Variants in CNNM2 observed in about 807,000 individuals in gnomAD.
CNNM2 encodes the protein cyclin and CBS domain divalent metal cation transport mediator 2, also known as metal transporter CNNM2.
CNNM2 carries 12 observed loss-of-function variants against 66.9 expected under a neutral mutation model. The observed-to-expected ratio is 0.18, with a 90% confidence interval of 0.11 to 0.29. The LOEUF (loss-of-function observed/expected upper bound fraction) is 0.29. CNNM2 is among the 10% of genes least tolerant of loss of function. CNNM2 has a pLI of 1.00. For missense variants in CNNM2, 705 were observed against 1,167.7 expected (o/e 0.60, Z 5.77); for synonymous variants, 557 against 501.8 (o/e 1.11, Z -1.47).
chr10:102,920,368 A>T (rs1446845618), intron 1 of CNNM2, among the ~76,000 whole-genome samples: 1 of 150,258 alleles, frequency 6.7e-6, no homozygotes, highest in Non-Finnish European at 1.5e-5. Context: ...TGTGCATGAC[A>T]CTTATTTATT....
rs117908909 is a variant in CNNM2 at position 103,067,063 on chromosome 10, T to C, written c.2074-1566T>C. On this transcript the variant is annotated intron_variant, in intron 4 of 7. Transcript: ENST00000369878. ...ACCTTTTGTAATTGGAAACTTAATA[T>C]AAAATGATAGTTTGCATCAGGTGGC... 6.2e-3 allele frequency among the ~76,000 whole-genome samples: 937 copies of C among 152,166 alleles called. 6 individuals carry two copies. Among genetic ancestry groups the C allele is most frequent in the Non-Finnish European group, 6.8e-3 (462 of 67,998 alleles).
chr10:102,927,059 G>C (rs144787614), intron 1 of CNNM2, among the ~76,000 whole-genome samples: 270 of 152,100 alleles, frequency 1.8e-3, no homozygotes, highest in South Asian at 1.9e-3. Flanking sequence ...GTTTACAAGC[G>C]TGAGCCACCA....
chr10:103,056,648 A>T lies in CNNM2; in HGVS notation c.1904-147A>T, dbSNP rs368240422. 2.7e-3 allele frequency: 1,995 copies of T among 726,132 alleles called. 50 individuals are homozygous for T. The South Asian group carries it at 0.032, about 12-fold the overall frequency. 45.0% of individuals were successfully genotyped at this position (726,132 alleles called of 1,614,324 possible). A position where few individuals can be genotyped will look rare whatever the true frequency, so the allele number is the denominator to read the frequency against. ...AATTTCTCCCAGGTAATCTGTCCCC[A>T]GTGGATCACCAAACGGAAGCCTCGT... On this transcript the variant is annotated intron_variant, in intron 3 of 7. Transcript: ENST00000369878.
chr10:103,046,464 G>A (rs1322031669), intron 1 of CNNM2, among the ~76,000 whole-genome samples: 3 of 152,160 alleles, frequency 2.0e-5, no homozygotes, highest in Non-Finnish European at 2.9e-5. Context: ...ACATAAATGG[G>A]TTAAACTTTT....
At chr10:103,044,581 T>C (rs557789012) in intron 1 of CNNM2, among the ~76,000 whole-genome samples, 10 of 152,246 alleles carry the variant, frequency 6.6e-5, no homozygotes, top group African/African-American at 2.4e-4. Flanking sequence ...TTACATTTTC[T>C]TTTTGATTTA....
At chr10:102,977,546 C>T (rs903284278) in intron 1 of CNNM2, among the ~76,000 whole-genome samples, 8 of 152,074 alleles carry the variant, frequency 5.3e-5, no homozygotes, top group Non-Finnish European at 1.0e-4. Flanking sequence ...ATTGGCTGGG[C>T]GCAGTGGCTC....
At chr10:102,922,055 C>G (rs1051581038) in intron 1 of CNNM2, among the ~76,000 whole-genome samples, 1 of 152,058 alleles carries the variant, frequency 6.6e-6, no homozygotes, top group Non-Finnish European at 1.5e-5. Flanking sequence ...GAAATGTATT[C>G]TTTAAATGAT....
rs141311858 is a variant in CNNM2 at position 102,999,076 on chromosome 10, C to CT, written c.1622-50619dup. ...AAAAAATCGCTTATATTTCTTTTTT[C>CT]TTTTTTTTTTTTGAGACGGAGTCTT... is the stretch of plus-strand genomic sequence containing the variant. On this transcript the variant is annotated intron_variant, in intron 1 of 7. Transcript: ENST00000369878. 0.079 allele frequency among the ~76,000 whole-genome samples: 10,914 copies of CT among 138,900 alleles called. 502 individuals are homozygous for CT. The highest frequency in any genetic ancestry group is 0.17 in the Middle Eastern group (43 of 260). The allele number at this position is 138,900 out of a possible 152,430, so 91.1% of individuals were successfully genotyped here.
chr10:103,019,802 CTA>C (rs2064535276), intron 1 of CNNM2, among the ~76,000 whole-genome samples: 1 of 152,202 alleles, frequency 6.6e-6, no homozygotes, highest in African/African-American at 2.4e-5. Flanking sequence ...ATAAATTGAA[CTA>C]TTCAGCCACT....
intron 1 of CNNM2, among the ~76,000 whole-genome samples, chr10:103,016,895 T>G (rs1253964748): frequency 1.3e-5 from 2 of 151,956 alleles, no homozygotes; most frequent in East Asian, 1.9e-4. Flanking sequence ...TCCTTTTGTT[T>G]CCTCCATCCA....
At position 102,922,328 on chromosome 10, in the gene CNNM2, A is replaced by ATT. The variant is rs34290283; in HGVS notation, c.1621+2236_1621+2237dup. On this transcript the variant is annotated intron_variant, in intron 1 of 7. Transcript: ENST00000369878. ...GATTTTTTCACCTTCCCTTTCTTGG[A>ATT]TTTTTTTTTTATTATCAGTTTGGTT... 0.11 allele frequency among the ~76,000 whole-genome samples: 16,415 copies of ATT among 150,340 alleles called. 894 individuals are homozygous for ATT. Among genetic ancestry groups the ATT allele is most frequent in the Middle Eastern group, 0.17 (49 of 286 alleles).
intron 6 of CNNM2, among the ~76,000 whole-genome samples, chr10:103,073,548 G>C (rs1284891568): frequency 6.6e-6 from 1 of 152,192 alleles, no homozygotes; most frequent in Non-Finnish European, 1.5e-5. Context: ...GGCAAGGTCC[G>C]GGAGGAAGCT....
intron 1 of CNNM2, among the ~76,000 whole-genome samples, chr10:103,009,576 A>G (rs1318486232): frequency 6.7e-6 from 1 of 149,356 alleles, no homozygotes; most frequent in East Asian, 2.0e-4. Context: ...CTATAGTCTC[A>G]GGTCCTTGGA....
intron 4 of CNNM2, among the ~76,000 whole-genome samples, chr10:103,058,410 A>G (rs1690110055): frequency 6.6e-6 from 1 of 152,194 alleles, no homozygotes; most frequent in Non-Finnish European, 1.5e-5. Context: ...GAATTGGAAT[A>G]TTGACATTGT....
intron 5 of CNNM2, among the ~76,000 whole-genome samples, chr10:103,070,173 C>A (rs2065551578): frequency 6.6e-6 from 1 of 152,192 alleles, no homozygotes; most frequent in Non-Finnish European, 1.5e-5. Flanking sequence ...GCCTGTCTGA[C>A]CCTACTTAAT....
chr10:103,025,810 T>G (rs1187220842), intron 1 of CNNM2, among the ~76,000 whole-genome samples: 3 of 152,232 alleles, frequency 2.0e-5, no homozygotes, highest in Non-Finnish European at 4.4e-5. Flanking sequence ...ACAGCAGGGA[T>G]TTTTTTGTTT....
At chr10:102,976,689 A>G (rs1246185244) in intron 1 of CNNM2, among the ~76,000 whole-genome samples, 29 of 125,756 alleles carry the variant, frequency 2.3e-4, no homozygotes, top group Non-Finnish European at 2.3e-4. Context: ...GCTGGTCTTG[A>G]ACTCCTGACC....
intron 1 of CNNM2, among the ~76,000 whole-genome samples, chr10:102,968,763 A>G (rs190225297): frequency 3.9e-5 from 6 of 152,010 alleles, no homozygotes; most frequent in Non-Finnish European, 7.4e-5. Flanking sequence ...GCACGCCACC[A>G]TGCCAGGCTA....
rs61870817 is a variant in CNNM2 at position 102,932,160 on chromosome 10, A to C, written c.1621+12059A>C. On this transcript the variant is annotated intron_variant, in intron 1 of 7. Transcript: ENST00000369878. ...TTTACTTTCTTGGTAGTGACCTTTGAAGCAGAAAAAGGTTTTAATTTTGAT... is the reference window on the plus strand; with the variant it reads ...TTTACTTTCTTGGTAGTGACCTTTGCAGCAGAAAAAGGTTTTAATTTTGAT... Among the ~76,000 whole-genome samples the C allele has an allele frequency of 0.018, 2,665 of 151,654 alleles. 38 individuals carry two copies. The highest frequency in any genetic ancestry group is 0.023 in the Non-Finnish European group (1,570 of 67,942).
Sources: allele counts gnomAD v4.1 joint callset (sites outside exome capture counted in the v4.1 genomes callset), GRCh38; gene constraint gnomAD v4.1.1; transcripts MANE v1.5; gene names NCBI Gene and HGNC (gene_info 2026-07-23, HGNC 2026-07-21).